The following PTPRD variants were observed in gnomAD, a reference collection of about 807,000 sequenced individuals.
The protein encoded by PTPRD is protein tyrosine phosphatase receptor type D.
Under a neutral mutation model 214.5 loss-of-function variants are expected in PTPRD, and 34 were observed. The observed-to-expected ratio is 0.16, with a 90% CI of 0.12 to 0.21. The LOEUF (loss-of-function observed/expected upper bound fraction) is 0.21. Among genes scored for constraint, PTPRD ranks in the 10% least tolerant of loss-of-function variants. PTPRD has a pLI of 1.00. For synonymous variants in PTPRD, 1,128 were observed against 845.7 expected, an observed-to-expected ratio of 1.33 and a Z score of -5.79; for missense variants, 2,545 against 2,398.7, an observed-to-expected ratio of 1.06 and a Z score of -1.27.
chr9:8,421,053 T>A (rs1302865116), intron 35 of PTPRD, among the ~76,000 whole-genome samples: 2 of 152,258 alleles, frequency 1.3e-5, no homozygotes, highest in East Asian at 3.9e-4. Flanking sequence ...ATAAAGTTGC[T>A]GTTCCTCCGT....
intron 19 of PTPRD, among the ~76,000 whole-genome samples, chr9:8,521,875 G>A (rs1012267985): frequency 6.6e-6 from 1 of 152,060 alleles, no homozygotes; most frequent in African/African-American, 2.4e-5. Context: ...ACATATACAT[G>A]CAGGCATATA....
chr9:8,792,677 T>C (rs999986237), intron 11 of PTPRD, among the ~76,000 whole-genome samples: 1 of 152,180 alleles, frequency 6.6e-6, no homozygotes, highest in African/African-American at 2.4e-5. Context: ...CGAGGATATA[T>C]TTAAGCACAC....
chr9:8,426,688 A>T (rs2094698081), intron 35 of PTPRD, among the ~76,000 whole-genome samples: 1 of 152,174 alleles, frequency 6.6e-6, no homozygotes, highest in Non-Finnish European at 1.5e-5. Context: ...GAAACAGAAA[A>T]CGAGTTATGT....
intron 11 of PTPRD, among the ~76,000 whole-genome samples, chr9:8,772,151 C>G (rs2095255092): frequency 6.6e-6 from 1 of 151,880 alleles, no homozygotes; most frequent in Admixed American, 6.6e-5. Context: ...ACAACAACAA[C>G]AACAACAACA....
chr9:10,010,941 A>G (rs568783841), intron 4 of PTPRD, among the ~76,000 whole-genome samples: 4 of 151,982 alleles, frequency 2.6e-5, no homozygotes, highest in Non-Finnish European at 5.9e-5. Flanking sequence ...TATCAGGAAA[A>G]TTAGATCATA....
intron 6 of PTPRD, among the ~76,000 whole-genome samples, chr9:9,765,861 A>G (rs1226673961): frequency 6.6e-6 from 1 of 151,762 alleles, no homozygotes; most frequent in African/African-American, 2.4e-5. Context: ...ACGGGGTTTC[A>G]CCGTGTTAGC....
intron 2 of PTPRD, among the ~76,000 whole-genome samples, chr9:10,350,959 T>G (rs1158271103): frequency 6.6e-6 from 1 of 152,096 alleles, no homozygotes; most frequent in Non-Finnish European, 1.5e-5. Context: ...TACAGTGAGC[T>G]ATGATAATAG....
intron 11 of PTPRD, among the ~76,000 whole-genome samples, chr9:8,911,926 G>A (rs908212891): frequency 3.3e-5 from 5 of 152,114 alleles, no homozygotes; most frequent in Admixed American, 2.0e-4. Flanking sequence ...TTAGTCATTA[G>A]ATAAATGCCC....
intron 7 of PTPRD, among the ~76,000 whole-genome samples, chr9:9,683,339 C>A (rs1197343814): frequency 6.6e-6 from 1 of 151,688 alleles, no homozygotes; most frequent in Non-Finnish European, 1.5e-5. Flanking sequence ...AGGGAGTCTA[C>A]TGGCATCACA....
chr9:9,091,310 C>CT (rs1030421839), intron 10 of PTPRD: 53 of 1,032,168 alleles, frequency 5.1e-5, no homozygotes, highest in South Asian at 3.6e-4. Context: ...GGAAATTGTA[C>CT]TTTAAAAAAA....
chr9:8,538,342 G>T lies in PTPRD; in HGVS notation c.353-9563C>A, dbSNP rs372900437. Among the ~76,000 whole-genome samples, 24 of 151,820 alleles carry T rather than the reference G, an allele frequency of 1.6e-4. 1 individual carries two copies. The South Asian group carries it at 4.2e-3, about 26-fold the overall frequency. ...TGTTTTTTAGAAAAAGAGGCACAAA[G>T]ACAAAAATAGTAAACAAGGAAAGAG... On this transcript the variant is annotated intron_variant, in intron 14 of 45. Transcript: ENST00000381196.
intron 7 of PTPRD, among the ~76,000 whole-genome samples, chr9:9,697,796 T>C (rs945141454): frequency 1.3e-5 from 2 of 152,174 alleles, no homozygotes; most frequent in African/African-American, 2.4e-5. Flanking sequence ...AAATAATTCT[T>C]AGATTTCCTC....
chr9:9,305,636 A>G (rs1165957518), intron 9 of PTPRD, among the ~76,000 whole-genome samples: 3 of 152,130 alleles, frequency 2.0e-5, no homozygotes, highest in Non-Finnish European at 4.4e-5. Flanking sequence ...TTGGAAATGG[A>G]GTCATTGGAG....
chr9:10,210,945 A>G (rs2099514389), intron 3 of PTPRD, among the ~76,000 whole-genome samples: 1 of 150,592 alleles, frequency 6.6e-6, no homozygotes, highest in African/African-American at 2.4e-5. Flanking sequence ...CATAAAATTC[A>G]CCTATACACA....
intron 11 of PTPRD, among the ~76,000 whole-genome samples, chr9:8,986,857 T>A (rs2099347335): frequency 6.6e-6 from 1 of 152,108 alleles, no homozygotes; most frequent in Admixed American, 6.6e-5. Context: ...TTGAAGTTTT[T>A]TTTCAGTCAT....
At chr9:9,654,282 A>G (rs2154375093) in intron 7 of PTPRD, among the ~76,000 whole-genome samples, 1 of 152,282 alleles carries the variant, frequency 6.6e-6, no homozygotes. Context: ...TGTGATGTAT[A>G]ATTTTAAGAG....
intron 4 of PTPRD, among the ~76,000 whole-genome samples, chr9:10,007,591 T>C (rs1313249878): frequency 6.6e-6 from 1 of 151,940 alleles, no homozygotes; most frequent in Non-Finnish European, 1.5e-5. Flanking sequence ...GGTCATATGG[T>C]TCCATTTCAA....
chr9:8,680,829 C>A (rs1022528704), intron 12 of PTPRD, among the ~76,000 whole-genome samples: 56 of 152,102 alleles, frequency 3.7e-4, no homozygotes, highest in Admixed American at 3.6e-3. Context: ...AACAATGTCC[C>A]AGACTAGCCC....
intron 7 of PTPRD, among the ~76,000 whole-genome samples, chr9:9,580,737 T>A (rs972032420): frequency 2.0e-5 from 3 of 151,774 alleles, no homozygotes; most frequent in Admixed American, 6.6e-5. Flanking sequence ...TTAGTAGAGA[T>A]GGGCTTTCAG....
Sources: allele counts gnomAD v4.1 joint callset (sites outside exome capture counted in the v4.1 genomes callset), GRCh38; gene constraint gnomAD v4.1.1; transcripts MANE v1.5; gene names NCBI Gene and HGNC (gene_info 2026-07-23, HGNC 2026-07-21).